PAPPA2: variants seen among roughly 807,000 people sequenced by gnomAD.
The protein encoded by PAPPA2 is pappalysin 2.
A neutral mutation model predicts 176.4 loss-of-function variants in PAPPA2; 86 were observed. That is an observed-to-expected ratio of 0.49 (90% CI 0.41 to 0.58). PAPPA2 has a LOEUF of 0.58. Among genes scored for constraint, PAPPA2 ranks in the 20% least tolerant of loss-of-function variants. The pLI is 0.00. For synonymous variants in PAPPA2, 809 were observed against 852.2 expected (o/e 0.95, Z 0.88); for missense variants, 2,073 against 2,256.9 (o/e 0.92, Z 1.65).
chr1:176,558,694 T>C (rs1318646901), intron 2 of PAPPA2, among the ~76,000 whole-genome samples: 2 of 152,162 alleles, frequency 1.3e-5, no homozygotes, highest in Non-Finnish European at 2.9e-5. Context: ...GATTATCTGA[T>C]CAGAGTTGGC....
At chr1:176,599,576 G>T in intron 3 of PAPPA2, among the ~76,000 whole-genome samples, 2 of 142,114 alleles carry the variant, frequency 1.4e-5, no homozygotes, top group Non-Finnish European at 1.5e-5. Flanking sequence ...TTATATTTTA[G>T]CAATCATACT....
intron 2 of PAPPA2, among the ~76,000 whole-genome samples, chr1:176,590,762 A>G (rs1487610568): frequency 1.3e-5 from 2 of 152,148 alleles, no homozygotes; most frequent in African/African-American, 4.8e-5. Context: ...AGATTGTAGA[A>G]TGTAATTTCT....
At position 176,692,180 on chromosome 1, in the gene PAPPA2, A is replaced by C; in HGVS notation, c.2486A>C (p.Tyr829Ser). 1.2e-6 allele frequency: 2 copies of C among 1,614,022 alleles called. No homozygotes were observed. Among genetic ancestry groups the C allele is most frequent in the Non-Finnish European group, 1.7e-6 (2 of 1,179,952 alleles). The stretch of plus-strand genomic sequence containing the variant: ...AACCAAGTGGCCCGAATGCATTGCT[A>C]TTTGGACCTAGTCTATCAGCAGTGG... ...TPNQVARMHC[Y>S]LDLVYQQWTE... The change falls in exon 6 of 23, where the codon TAT becomes TCT. Residue 829 changes from tyrosine (Y) to serine (S), a missense_variant. Coordinates refer to ENST00000367662, the MANE Select transcript of PAPPA2 (RefSeq NM_020318.3).
Position 176,671,084 on chromosome 1 carries a change from G to A in PAPPA2, c.2106G>A (p.Trp702Ter). ...AAGACCTTGCAGGTGCTGCCACCTGGCCTTGGGACAAGGACGCTGTCACTC... is the reference window on the plus strand; with the variant it reads ...AAGACCTTGCAGGTGCTGCCACCTGACCTTGGGACAAGGACGCTGTCACTC... ...VREDLAGAAT[W>*]PWDKDAVTHL... Residue 702 changes from tryptophan (W) to a stop codon, truncating the protein, a stop_gained, in exon 4 of 23, where the codon TGG becomes TGA. Transcript: ENST00000367662. LOFTEE classifies it high-confidence loss of function. The A allele has an allele frequency of 6.2e-7, 1 of 1,613,938 alleles. No individual in the cohort carries two copies. Among genetic ancestry groups the A allele is most frequent in the East Asian group, 2.2e-5 (1 of 44,862 alleles).
intron 1 of PAPPA2, among the ~76,000 whole-genome samples, chr1:176,518,466 A>C (rs969271659): frequency 1.6e-3 from 239 of 151,934 alleles, no homozygotes; most frequent in Admixed American, 2.5e-3. Flanking sequence ...AAAAAAAAAA[A>C]AAACAAACAA....
intron 3 of PAPPA2, among the ~76,000 whole-genome samples, chr1:176,617,919 A>G (rs966246577): frequency 1.3e-5 from 2 of 152,146 alleles, no homozygotes; most frequent in Admixed American, 6.5e-5. Context: ...TTCTTAGGGA[A>G]TCAGGACATC....
intron 14 of PAPPA2, among the ~76,000 whole-genome samples, chr1:176,765,089 A>G (rs1467613942): frequency 4.6e-5 from 7 of 152,228 alleles, no homozygotes; most frequent in Non-Finnish European, 1.5e-5. Context: ...CTGTGCTAAT[A>G]TTCAGTGGTA....
intron 14 of PAPPA2, among the ~76,000 whole-genome samples, chr1:176,758,755 G>A (rs1225917964): frequency 2.6e-5 from 4 of 152,116 alleles, no homozygotes; most frequent in African/African-American, 9.7e-5. Context: ...GGGACATTAC[G>A]CTAAAAAAAT....
chr1:176,658,346 C>A (rs1280042123), intron 3 of PAPPA2, among the ~76,000 whole-genome samples: 1 of 151,916 alleles, frequency 6.6e-6, no homozygotes, highest in African/African-American at 2.4e-5. Context: ...AATAAACAAT[C>A]TGTTCCAGAT....
chr1:176,470,203 G>A (rs2102463605), intron 1 of PAPPA2, among the ~76,000 whole-genome samples: 1 of 152,306 alleles, frequency 6.6e-6, no homozygotes, highest in Non-Finnish European at 1.5e-5. Flanking sequence ...TACTGGTGGG[G>A]CTCACTCACA....
intron 3 of PAPPA2, among the ~76,000 whole-genome samples, chr1:176,653,153 A>G (rs1197892799): frequency 6.6e-6 from 1 of 151,650 alleles, no homozygotes; most frequent in East Asian, 1.9e-4. Context: ...CAATCCTCCT[A>G]TGTCTCCCTA....
At chr1:176,719,215 T>G (rs1661509520) in intron 12 of PAPPA2, among the ~76,000 whole-genome samples, 1 of 152,092 alleles carries the variant, frequency 6.6e-6, no homozygotes, top group Non-Finnish European at 1.5e-5. Context: ...AAAAGATTTT[T>G]TTTTTTTGCA....
At chr1:176,741,830 C>T (rs1475923401) in intron 14 of PAPPA2, among the ~76,000 whole-genome samples, 1 of 152,136 alleles carries the variant, frequency 6.6e-6, no homozygotes, top group African/African-American at 2.4e-5. Context: ...ATTAAAATAA[C>T]ATTTATTAGA....
At chr1:176,540,046 A>T (rs6425389) in intron 1 of PAPPA2, among the ~76,000 whole-genome samples, 21,305 of 152,228 alleles carry the variant, frequency 0.14, 1,678 homozygotes, top group African/African-American at 0.19. Context: ...ATTAGCAAGA[A>T]GAAGAAAGGG....
chr1:176,768,773 G>T (rs1293325596), intron 15 of PAPPA2, among the ~76,000 whole-genome samples: 1 of 152,134 alleles, frequency 6.6e-6, no homozygotes, highest in Non-Finnish European at 1.5e-5. Flanking sequence ...CTACTGAAAT[G>T]ACAGGCACTA....
At chr1:176,485,453 C>T (rs980246936) in intron 1 of PAPPA2, among the ~76,000 whole-genome samples, 9 of 152,278 alleles carry the variant, frequency 5.9e-5, no homozygotes, top group African/African-American at 1.9e-4. Flanking sequence ...ACATGATTCA[C>T]TCTCCCACTC....
chr1:176,781,521 C>T (rs1664722066), intron 17 of PAPPA2, among the ~76,000 whole-genome samples: 1 of 151,694 alleles, frequency 6.6e-6, no homozygotes, highest in Admixed American at 6.6e-5. Flanking sequence ...TGCACAATAA[C>T]TATGATGGGC....
intron 4 of PAPPA2, among the ~76,000 whole-genome samples, chr1:176,680,765 A>T (rs1207464917): frequency 2.0e-5 from 3 of 152,200 alleles, no homozygotes; most frequent in African/African-American, 7.2e-5. Flanking sequence ...TGTGTATTTT[A>T]AGGAGATAAA....
chr1:176,464,594 G>A (rs1651527553), intron 1 of PAPPA2, among the ~76,000 whole-genome samples: 1 of 152,168 alleles, frequency 6.6e-6, no homozygotes, highest in Non-Finnish European at 1.5e-5. Flanking sequence ...GGGTGTTGAG[G>A]ATACAAAGAT....
Sources: allele counts gnomAD v4.1 joint callset (sites outside exome capture counted in the v4.1 genomes callset), GRCh38; gene constraint gnomAD v4.1.1; transcripts MANE v1.5; gene names NCBI Gene and HGNC (gene_info 2026-07-23, HGNC 2026-07-21).